DENND1A: variants seen among roughly 807,000 people sequenced by gnomAD.
DENND1A encodes DENN domain containing 1A.
DENND1A carries 51 observed loss-of-function variants against 113.7 expected under a neutral mutation model. That is an observed-to-expected ratio of 0.45 (90% CI 0.36 to 0.57). The LOEUF (loss-of-function observed/expected upper bound fraction) is 0.57, where lower values mean the gene tolerates loss of function less well. DENND1A is among the 20% of genes least tolerant of loss of function. The probability of loss-of-function intolerance (pLI) is 0.00; values close to 1 mark genes in which losing one functional copy is unlikely to be tolerated. For missense variants in DENND1A, 1,258 were observed against 1,395.9 expected, an observed-to-expected ratio of 0.90 and a Z score of 1.57; for synonymous variants, 565 against 570.8, an observed-to-expected ratio of 0.99 and a Z score of 0.14.
At chr9:123,481,542 G>C (rs1412178620) in intron 13 of DENND1A, among the ~76,000 whole-genome samples, 1 of 152,216 alleles carries the variant, frequency 6.6e-6, no homozygotes, top group Non-Finnish European at 1.5e-5. Flanking sequence ...GAGGTTCTGA[G>C]AGATTAAGAA....
At chr9:123,629,820 T>G (rs2061398502) in intron 10 of DENND1A, among the ~76,000 whole-genome samples, 1 of 152,168 alleles carries the variant, frequency 6.6e-6, no homozygotes, top group Non-Finnish European at 1.5e-5. Flanking sequence ...ACCTTGGAGA[T>G]CTCAATTGTT....
intron 6 of DENND1A, among the ~76,000 whole-genome samples, chr9:123,674,053 G>A (rs1189199904): frequency 6.6e-6 from 1 of 151,904 alleles, no homozygotes; most frequent in Non-Finnish European, 1.5e-5. Flanking sequence ...CTTCTCACAT[G>A]GATTCTTCTA....
intron 2 of DENND1A, among the ~76,000 whole-genome samples, chr9:123,847,864 G>A (rs1043594309): frequency 6.6e-6 from 1 of 152,166 alleles, no homozygotes; most frequent in Non-Finnish European, 1.5e-5. Context: ...GAACCAGGAG[G>A]CGGAGGTTGC....
intron 20 of DENND1A, among the ~76,000 whole-genome samples, chr9:123,409,698 C>G (rs144486765): frequency 6.6e-6 from 1 of 151,982 alleles, no homozygotes; most frequent in Non-Finnish European, 1.5e-5. Context: ...GGATGAGGTA[C>G]CTAAGAATGA....
chr9:123,740,363 A>AG (rs747347700), intron 5 of DENND1A, among the ~76,000 whole-genome samples: 5 of 152,194 alleles, frequency 3.3e-5, no homozygotes, highest in Non-Finnish European at 7.3e-5. Context: ...CTCAGTATAG[A>AG]GCACAGGTAC....
intron 2 of DENND1A, among the ~76,000 whole-genome samples, chr9:123,835,080 C>G (rs2132851827): frequency 6.6e-6 from 1 of 150,412 alleles, no homozygotes; most frequent in South Asian, 2.1e-4. Context: ...CACTGGTAAA[C>G]TCTCCCTCTA....
intron 13 of DENND1A, among the ~76,000 whole-genome samples, chr9:123,487,603 C>A (rs552288820): frequency 6.6e-6 from 1 of 152,084 alleles, no homozygotes; most frequent in Non-Finnish European, 1.5e-5. Context: ...TTATAAAGAC[C>A]CCTGTTTCTC....
At chr9:123,566,940 C>CACACACACACAA (rs1318552391) in intron 12 of DENND1A, among the ~76,000 whole-genome samples, 3 of 150,980 alleles carry the variant, frequency 2.0e-5, no homozygotes, top group Admixed American at 1.3e-4. Context: ...CACACACACA[C>CACACACACACAA]AAACACACAC....
intron 6 of DENND1A, among the ~76,000 whole-genome samples, chr9:123,674,252 CCAAA>C (rs944650184): frequency 6.6e-6 from 1 of 151,762 alleles, no homozygotes; most frequent in African/African-American, 2.4e-5. Context: ...GGTCCATGGC[CCAAA>C]CAGATATCCC....
intron 2 of DENND1A, among the ~76,000 whole-genome samples, chr9:123,796,088 G>GA (rs1444404715): frequency 1.3e-5 from 2 of 151,948 alleles, no homozygotes; most frequent in Non-Finnish European, 2.9e-5. Context: ...TTTTCAACAG[G>GA]AAAAAAATAT....
intron 4 of DENND1A, chr9:123,759,760 T>C (rs1183891765): frequency 2.0e-5 from 3 of 152,220 alleles, no homozygotes; most frequent in Non-Finnish European, 4.4e-5. Flanking sequence ...GGAAATAATA[T>C]AACAATGCTA....
intron 10 of DENND1A, among the ~76,000 whole-genome samples, chr9:123,622,299 T>C (rs1396899107): frequency 6.6e-6 from 1 of 152,184 alleles, no homozygotes; most frequent in Non-Finnish European, 1.5e-5. Context: ...AAACCAAATA[T>C]ACAATTCAAG....
At chr9:123,600,781 A>C (rs2059905898) in intron 11 of DENND1A, among the ~76,000 whole-genome samples, 1 of 151,846 alleles carries the variant, frequency 6.6e-6, no homozygotes, top group Non-Finnish European at 1.5e-5. Flanking sequence ...CAGTGAGCTG[A>C]GATGGCACCA....
At chr9:123,407,172 G>T (rs2043929781) in intron 20 of DENND1A, among the ~76,000 whole-genome samples, 1 of 140,352 alleles carries the variant, frequency 7.1e-6, no homozygotes, top group South Asian at 2.6e-4. Flanking sequence ...AGGGGCGGGG[G>T]GGTGGGGAGC....
intron 13 of DENND1A, among the ~76,000 whole-genome samples, chr9:123,551,578 A>G (rs796356487): frequency 7.2e-5 from 11 of 152,296 alleles, no homozygotes; most frequent in African/African-American, 2.4e-4. Context: ...GTAAAGGGCT[A>G]GTGAGGGGCT....
intron 1 of DENND1A, among the ~76,000 whole-genome samples, chr9:123,883,868 C>CA (rs75076282): frequency 0.22 from 20,295 of 93,592 alleles, 1,751 homozygotes; most frequent in Middle Eastern, 0.29. Context: ...ATGACAGTCT[C>CA]AAAAAAAAAA....
intron 2 of DENND1A, among the ~76,000 whole-genome samples, chr9:123,811,707 G>A (rs749701450): frequency 5.3e-5 from 8 of 152,148 alleles, no homozygotes; most frequent in South Asian, 2.1e-4. Context: ...TGCAGTGAGC[G>A]GAGATCGCAC....
intron 13 of DENND1A, among the ~76,000 whole-genome samples, chr9:123,551,120 T>G (rs932623593): frequency 6.6e-6 from 1 of 152,166 alleles, no homozygotes; most frequent in Admixed American, 6.5e-5. Context: ...GAAGGACAAG[T>G]TGGTTTGACT....
intron 13 of DENND1A, among the ~76,000 whole-genome samples, chr9:123,499,286 G>A (rs534980479): frequency 7.2e-5 from 11 of 152,250 alleles, no homozygotes; most frequent in Admixed American, 3.3e-4. Flanking sequence ...CACCCGCCTC[G>A]GCCTCCCAAA....
Sources: allele counts gnomAD v4.1 joint callset (sites outside exome capture counted in the v4.1 genomes callset), GRCh38; gene constraint gnomAD v4.1.1; transcripts MANE v1.5; gene names NCBI Gene and HGNC (gene_info 2026-07-23, HGNC 2026-07-21).